The following VPS13A variants were observed in gnomAD, a reference collection of about 807,000 sequenced individuals.
VPS13A encodes intermembrane lipid transfer protein VPS13A.
A neutral mutation model predicts 390.9 loss-of-function variants in VPS13A; 264 were observed. The observed-to-expected ratio is 0.68, with a 90% CI of 0.61 to 0.75. The LOEUF (loss-of-function observed/expected upper bound fraction) is 0.75, where lower values mean the gene tolerates loss of function less well. VPS13A is among the 30% of genes least tolerant of loss of function. The probability of loss-of-function intolerance (pLI) is 0.00; values close to 1 mark genes in which losing one functional copy is unlikely to be tolerated. For missense variants in VPS13A, 3,409 were observed against 3,733.9 expected, an observed-to-expected ratio of 0.91 and a Z score of 2.27; for synonymous variants, 1,231 against 1,227.1, an observed-to-expected ratio of 1.00 and a Z score of -0.07.
At position 77,308,025 on chromosome 9, in the gene VPS13A, C is replaced by T. The variant is rs74983687; in HGVS notation, c.4041C>T (p.Ala1347=). ...GNIWYEKDGS[A]SPAVTKDQYS... ...TATGGTATGAAAAAGATGGTAGTGC[C>T]TCACCTGCTGTAACAAAAGACCAAT... The change falls in exon 35 of 72, where the codon GCC becomes GCT. Residue 1347 remains alanine (A), a synonymous_variant. Transcript: ENST00000360280. The T allele has an allele frequency of 1.2e-3, 1,856 of 1,613,366 alleles. 30 individuals are homozygous for T. The East Asian group carries it at 0.032, about 28-fold the overall frequency.
At chr9:77,308,368 T>G (rs1434249218) in intron 35 of VPS13A, among the ~76,000 whole-genome samples, 2 of 152,204 alleles carry the variant, frequency 1.3e-5, no homozygotes, top group Non-Finnish European at 2.9e-5. Flanking sequence ...TTCCTAGTTC[T>G]GTTGTAACAA....
intron 31 of VPS13A, among the ~76,000 whole-genome samples, chr9:77,290,748 A>T (rs1827604339): frequency 6.6e-6 from 1 of 152,068 alleles, no homozygotes; most frequent in South Asian, 2.1e-4. Flanking sequence ...ATTTTCATTT[A>T]TGTTACCATG....
chr9:77,398,284 GAT>G (rs1362387219), intron 68 of VPS13A, among the ~76,000 whole-genome samples: 1 of 152,136 alleles, frequency 6.6e-6, no homozygotes. Flanking sequence ...GAAACATCAT[GAT>G]ATGTTTGGTA....
chr9:77,291,802 T>C (rs1438757944), intron 31 of VPS13A, among the ~76,000 whole-genome samples: 2 of 152,188 alleles, frequency 1.3e-5, no homozygotes, highest in Admixed American at 1.3e-4. Context: ...TAGCCAGGGC[T>C]GTTTCTGTGA....
rs1828862796 is a variant in VPS13A, at chr9:77,307,963, G to C, written c.3979G>C (p.Asp1327His). ...TTAACAGTTCATTCTTAGTCAAGAA[G>C]ATATAACAACTATTTTTAAAACATT... ...KPMEFILSQE[D>H]ITTIFKTLHG... The change falls in exon 35 of 72, where the codon GAT (aspartate) becomes CAT (histidine). Residue 1327 changes from aspartate (D) to histidine (H), a missense_variant. Physicochemically the swap from Asp to His is moderately conservative, Grantham distance 81. Transcript: ENST00000360280. 6.3e-7 allele frequency: 1 copy of C among 1,591,724 alleles called. No individual in the cohort carries two copies.
At chr9:77,267,256 G>C (rs1387190283) in intron 23 of VPS13A, among the ~76,000 whole-genome samples, 1 of 152,100 alleles carries the variant, frequency 6.6e-6, no homozygotes, top group Non-Finnish European at 1.5e-5. Context: ...CTGGTTTTTG[G>C]AATTTTAGCC....
intron 51 of VPS13A, 31 bp downstream of exon 51, chr9:77,344,312 A>G: frequency 1.2e-6 from 2 of 1,607,964 alleles, no homozygotes; most frequent in Non-Finnish European, 1.7e-6. Context: ...TGCATGTGTC[A>G]TTAGGAAAGC....
chr9:77,250,169 A>G lies in VPS13A; in HGVS notation c.2110A>G (p.Arg704Gly), dbSNP rs750746448. 6.2e-7 allele frequency: 1 copy of G among 1,613,900 alleles called. No individual in the cohort carries two copies. ...GEANLKEIMD[R>G]AYDSFDIQLT... is the part of the protein sequence containing the mutation. ...GGCCAATCTTAAAGAGATAATGGATAGAGCTTATGATTCATTTGATATTCA... is the reference window on the plus strand; with the variant it reads ...GGCCAATCTTAAAGAGATAATGGATGGAGCTTATGATTCATTTGATATTCA... Residue 704 changes from arginine to glycine, a missense_variant, in exon 21 of 72, where the codon AGA becomes GGA. Coordinates refer to ENST00000360280, the MANE Select transcript of VPS13A (RefSeq NM_033305.3).
intron 68 of VPS13A, among the ~76,000 whole-genome samples, chr9:77,394,231 A>AC (rs539719495): frequency 2.1e-5 from 3 of 140,540 alleles, no homozygotes; most frequent in Non-Finnish European, 4.6e-5. Flanking sequence ...CATCTGGCTA[A>AC]TTTTTTTTTT....
At chr9:77,407,876 A>G (rs1299583839) in intron 71 of VPS13A, among the ~76,000 whole-genome samples, 2 of 152,108 alleles carry the variant, frequency 1.3e-5, no homozygotes, top group African/African-American at 4.8e-5. Context: ...AATTTTTTTT[A>G]ATAAAAAAGT....
At chr9:77,253,820 C>CTTTTCTTCTTTGT (rs1453123927) in intron 22 of VPS13A, among the ~76,000 whole-genome samples, 8 of 150,966 alleles carry the variant, frequency 5.3e-5, no homozygotes, top group Admixed American at 5.3e-4. Context: ...TGTCATAAAG[C>CTTTTCTTCTTTGT]TTTTCTTCTT....
In VPS13A at chr9:77,392,723, C is replaced by CACTATATAAAACTATATATA. The variant is rs1221895482; in HGVS notation, c.9190-10472_9190-10453dup. Among the ~76,000 whole-genome samples the CACTATATAAAACTATATATA allele has an allele frequency of 1.5e-3, 221 of 149,946 alleles. 1 individual carries two copies. The highest frequency in any genetic ancestry group is 4.1e-3 in the African/African-American group (169 of 40,816). Reference sequence around the variant, plus strand: ...TCACGTCGTTAAAAAACTATATATACACTATATAAAACTATATATAACTAT... The same window carrying CACTATATAAAACTATATATA: ...TCACGTCGTTAAAAAACTATATATACACTATATAAAACTATATATAACTATATAAAACTATATATAACTAT... On this transcript the variant is annotated intron_variant, in intron 68 of 71. Coordinates refer to ENST00000360280, the MANE Select transcript of VPS13A (RefSeq NM_033305.3).
intron 31 of VPS13A, among the ~76,000 whole-genome samples, chr9:77,285,001 G>A (rs1036809073): frequency 1.3e-5 from 2 of 151,902 alleles, no homozygotes; most frequent in African/African-American, 2.4e-5. Flanking sequence ...CACTGTGCCC[G>A]GCCTGTAATT....
At chr9:77,255,413 A>G (rs1825383550) in intron 22 of VPS13A, among the ~76,000 whole-genome samples, 1 of 152,120 alleles carries the variant, frequency 6.6e-6, no homozygotes, top group Non-Finnish European at 1.5e-5. Flanking sequence ...TCCAAGAGTA[A>G]ATGATATATA....
intron 59 of VPS13A, among the ~76,000 whole-genome samples, chr9:77,361,064 G>T (rs557628015): frequency 2.0e-5 from 3 of 152,090 alleles, no homozygotes; most frequent in East Asian, 3.9e-4. Context: ...GATATAGTCT[G>T]TTTTTCACTT....
chr9:77,285,623 A>G (rs1442273071), intron 31 of VPS13A, among the ~76,000 whole-genome samples: 1 of 152,216 alleles, frequency 6.6e-6, no homozygotes, highest in Non-Finnish European at 1.5e-5. Flanking sequence ...TTATTAGGCC[A>G]ACACTTGCTT....
intron 67 of VPS13A, among the ~76,000 whole-genome samples, chr9:77,372,139 T>G (rs1832807927): frequency 6.6e-6 from 1 of 151,644 alleles, no homozygotes; most frequent in African/African-American, 2.4e-5. Flanking sequence ...TATAGCAGCA[T>G]GATTTATAGT....
chr9:77,341,289 C>T (rs998236095), intron 50 of VPS13A, among the ~76,000 whole-genome samples: 1 of 152,032 alleles, frequency 6.6e-6, no homozygotes, highest in Non-Finnish European at 1.5e-5. Flanking sequence ...TAGGTCCCCT[C>T]CCATTTATGG....
chr9:77,315,754 AAAAC>A (rs1377216148), intron 38 of VPS13A, among the ~76,000 whole-genome samples: 8 of 152,164 alleles, frequency 5.3e-5, no homozygotes, highest in Non-Finnish European at 1.0e-4. Flanking sequence ...CTAGTGGAAA[AAAAC>A]AAGCAGAGCA....
Sources: gnomAD v4.1 joint callset for allele counts (sites outside exome capture counted in the v4.1 genomes callset) on GRCh38, gnomAD v4.1.1 for gene constraint, MANE v1.5 for transcripts, NCBI Gene and HGNC (gene_info 2026-07-23, HGNC 2026-07-21) for gene names.